The following DOCK7 variants were observed in gnomAD, a reference collection of about 807,000 sequenced individuals.
The protein encoded by DOCK7 is dedicator of cytokinesis protein 7.
In DOCK7, 138 loss-of-function variants were observed where a neutral mutation model predicts 271.0. The ratio of observed to expected loss-of-function variants is 0.51; its 90% CI spans 0.44 to 0.59. The LOEUF is 0.59. Ranked by LOEUF, DOCK7 falls within the 20% of genes least tolerant of loss-of-function variation. The pLI is 0.00. For missense variants in DOCK7, 2,066 were observed against 2,592.4 expected, an observed-to-expected ratio of 0.80 and a Z score of 4.41; for synonymous variants, 823 against 876.1, an observed-to-expected ratio of 0.94 and a Z score of 1.07.
chr1:62,553,376 T>A (rs1571518668), intron 21 of DOCK7, among the ~76,000 whole-genome samples: 7 of 8,162 alleles, frequency 8.6e-4, no homozygotes, highest in Non-Finnish European at 7.4e-4. Flanking sequence ...TTTTTTTTTT[T>A]TTTTTTTTTA....
intron 18 of DOCK7, among the ~76,000 whole-genome samples, chr1:62,572,564 G>A (rs1038115015): frequency 6.6e-6 from 1 of 152,196 alleles, no homozygotes; most frequent in African/African-American, 2.4e-5. Context: ...CTAAGATCAA[G>A]GTGCCAGCAT....
intron 44 of DOCK7, 68 bp from the exon 45 acceptor site, chr1:62,476,224 G>A: frequency 1.5e-6 from 2 of 1,293,352 alleles, no homozygotes; most frequent in Non-Finnish European, 2.2e-6. Context: ...AGGCCTGAGG[G>A]TGACTCCTGA....
In DOCK7 at chr1:62,618,705, C is replaced by T. The variant is rs1253175085; in HGVS notation, c.1682+1G>A. 1 of 1,610,906 alleles carries T rather than the reference C, an allele frequency of 6.2e-7. No individual in the cohort carries two copies. Among genetic ancestry groups the T allele is most frequent in the Non-Finnish European group, 8.5e-7 (1 of 1,177,532 alleles). ...GAATTCTCCAAATTAAAATCTCTTA[C>T]CTGTAAGTAGTGTTTGGAACATAAA... On this transcript the variant is annotated splice_donor_variant, in intron 14 of 49. Coordinates refer to ENST00000635253, the MANE Select transcript of DOCK7 (RefSeq NM_001367561.1). LOFTEE classifies it high-confidence loss of function.
intron 22 of DOCK7, among the ~76,000 whole-genome samples, chr1:62,549,275 G>A (rs554094335): frequency 1.3e-3 from 199 of 152,126 alleles, no homozygotes; most frequent in Non-Finnish European, 2.3e-3. Flanking sequence ...GCCGAGTTCT[G>A]AAAATTAACC....
intron 1 of DOCK7, among the ~76,000 whole-genome samples, chr1:62,664,811 G>A (rs1220239278): frequency 6.6e-6 from 1 of 151,666 alleles, no homozygotes; most frequent in African/African-American, 2.4e-5. Context: ...TTAACGACAA[G>A]GGAGGAAGAC....
chr1:62,499,885 A>C (rs1223022345), intron 37 of DOCK7, among the ~76,000 whole-genome samples: 1 of 152,040 alleles, frequency 6.6e-6, no homozygotes, highest in East Asian at 1.9e-4. Flanking sequence ...GTCTCTAAAA[A>C]ATAAATAAAT....
intron 14 of DOCK7, chr1:62,603,918 T>A: frequency 3.2e-6 from 5 of 1,575,228 alleles, no homozygotes; most frequent in Non-Finnish European, 4.4e-6. Flanking sequence ...AAACTGTCAG[T>A]GTCCAACCTG....
chr1:62,520,311 G>C (rs975868523), intron 31 of DOCK7, among the ~76,000 whole-genome samples: 3 of 152,120 alleles, frequency 2.0e-5, no homozygotes, highest in African/African-American at 7.2e-5. Flanking sequence ...AGAGTGAACA[G>C]GCAACCTATA....
chr1:62,600,617 AGATATGTTTACAGG>A (rs1447170597), intron 14 of DOCK7, among the ~76,000 whole-genome samples: 1 of 151,872 alleles, frequency 6.6e-6, no homozygotes, highest in Non-Finnish European at 1.5e-5. Context: ...CAACATCTAC[AGATATGTTTACAGG>A]TCAAAAATTA....
At chr1:62,500,924 C>T (rs1380661839) in intron 37 of DOCK7, among the ~76,000 whole-genome samples, 2 of 152,160 alleles carry the variant, frequency 1.3e-5, no homozygotes, top group African/African-American at 2.4e-5. Flanking sequence ...GTAATCCCAA[C>T]ACTCTGGGTG....
In DOCK7 at chr1:62,510,668, TTCTC is replaced by T; in HGVS notation, c.4284_4287del (p.Arg1429AlafsTer13). On this transcript the variant is annotated frameshift_variant and splice_region_variant, in exon 34 of 50. Coordinates refer to ENST00000635253, the MANE Select transcript of DOCK7 (RefSeq NM_001367561.1). LOFTEE classifies it high-confidence loss of function. Reference sequence around the variant, plus strand: ...CTTCCAAAGGCACTTCCAGATGGGCTTCTCTCTGTCAAATAAATTTCAAAACCAA... The same window carrying T: ...CTTCCAAAGGCACTTCCAGATGGGCTTCTGTCAAATAAATTTCAAAACCAA... 3 of 1,612,702 alleles carry T rather than the reference TTCTC, an allele frequency of 1.9e-6. No homozygotes were observed. The highest frequency in any genetic ancestry group is 2.5e-6 in the Non-Finnish European group (3 of 1,179,216).
intron 20 of DOCK7, among the ~76,000 whole-genome samples, chr1:62,556,497 G>A (rs1646145734): frequency 6.6e-6 from 1 of 150,854 alleles, no homozygotes; most frequent in Non-Finnish European, 1.5e-5. Context: ...ATTGGAATGA[G>A]TGAATCTGTA....
chr1:62,543,451 T>C, intron 24 of DOCK7: 1 of 382,252 alleles, frequency 2.6e-6, no homozygotes, highest in Admixed American at 4.1e-5. Flanking sequence ...ATCCCAAAGA[T>C]ATAAACATTA....
Position 62,475,902 on chromosome 1 carries a change from T to C in DOCK7, c.5766A>G (p.Thr1922=), listed in dbSNP as rs1557597151. 2 of 1,614,042 alleles carry C rather than the reference T, an allele frequency of 1.2e-6. No individual in the cohort carries two copies. The highest frequency in any genetic ancestry group is 1.3e-5 in the African/African-American group (1 of 75,048). The change falls in exon 46 of 50, where the codon ACA becomes ACG. Residue 1922 remains threonine (T), a synonymous_variant. Transcript: ENST00000635253. The part of the protein sequence containing the change: ...QITYVEPYFD[T]YEMKDRITYF... The stretch of plus-strand genomic sequence containing the variant: ...AGGTGATTCTGTCCTTCATCTCATA[T>C]GTGTCAAAGTATGGCTCCACATAGG...
In DOCK7 at chr1:62,455,296, A is replaced by T; in HGVS notation, c.*118T>A. ...CATTTGATATTTTCTTGGCCACTGC[A>T]TTCTTCAATGAATAATAATTTCCAG... On this transcript the variant is annotated 3_prime_UTR_variant, in exon 50 of 50. Transcript: ENST00000635253. 9.1e-7 allele frequency: 1 copy of T among 1,101,302 alleles called. No homozygotes were observed. 68.2% of individuals were successfully genotyped at this position (1,101,302 alleles called of 1,614,324 possible). A position where few individuals can be genotyped will look rare whatever the true frequency, so the allele number is the denominator to read the frequency against.
chr1:62,471,249 G>T (rs1489592075), intron 48 of DOCK7, among the ~76,000 whole-genome samples: 2 of 152,112 alleles, frequency 1.3e-5, no homozygotes, highest in Non-Finnish European at 2.9e-5. Context: ...GGTGGGGAGG[G>T]TCAAAAGTTT....
chr1:62,622,153 G>A (rs1653328807), intron 12 of DOCK7, among the ~76,000 whole-genome samples: 1 of 152,188 alleles, frequency 6.6e-6, no homozygotes, highest in South Asian at 2.1e-4. Context: ...CCTGCTAGAA[G>A]ATGACAGTAG....
intron 15 of DOCK7, among the ~76,000 whole-genome samples, chr1:62,585,626 G>T (rs1647404262): frequency 6.6e-6 from 1 of 152,056 alleles, no homozygotes. Context: ...TGTCATTACT[G>T]TTCACAGGCA....
chr1:62,469,955 A>G (rs1645783785), intron 48 of DOCK7, among the ~76,000 whole-genome samples: 2 of 152,138 alleles, frequency 1.3e-5, no homozygotes, highest in Non-Finnish European at 2.9e-5. Flanking sequence ...TAAAAAGGGA[A>G]TACTTCTGCA....
Sources: gnomAD v4.1 joint callset for allele counts (sites outside exome capture counted in the v4.1 genomes callset) on GRCh38, gnomAD v4.1.1 for gene constraint, MANE v1.5 for transcripts, NCBI Gene and HGNC (gene_info 2026-07-23, HGNC 2026-07-21) for gene names.